CHRM5: variants seen among roughly 807,000 people sequenced by gnomAD.
CHRM5 encodes muscarinic acetylcholine receptor M5.
In CHRM5, 18 loss-of-function variants were observed where a neutral mutation model predicts 39.0. That is an observed-to-expected ratio of 0.46 (90% CI 0.32 to 0.68). CHRM5 has a LOEUF of 0.68. Among genes scored for constraint, CHRM5 ranks in the 30% least tolerant of loss-of-function variants. The pLI is 0.04. For missense variants in CHRM5, 515 were observed against 651.1 expected (o/e 0.79, Z 2.28); for synonymous variants, 241 against 246.3 (o/e 0.98, Z 0.20).
chr15:34,041,560 G>A (rs1899477827), intron 1 of CHRM5, among the ~76,000 whole-genome samples: 1 of 152,152 alleles, frequency 6.6e-6, no homozygotes. Context: ...AGTGTTATTA[G>A]GGCACATTCA....
intron 2 of CHRM5, among the ~76,000 whole-genome samples, chr15:34,047,303 T>C (rs996884852): frequency 2.6e-5 from 4 of 152,136 alleles, no homozygotes; most frequent in African/African-American, 9.7e-5. Context: ...GGTCTGGATC[T>C]CCTGACCTGA....
At chr15:33,999,664 T>C (rs1174745418) in intron 1 of CHRM5, among the ~76,000 whole-genome samples, 1 of 152,150 alleles carries the variant, frequency 6.6e-6, no homozygotes. Context: ...CAACCACTTT[T>C]CACCACCTCC....
chr15:33,983,164 G>GTGTA lies in CHRM5; in HGVS notation c.-408+14017_-408+14018insATGT, dbSNP rs1555512757. 3.9e-3 allele frequency among the ~76,000 whole-genome samples: 440 copies of GTGTA among 111,572 alleles called. 1 individual carries two copies. Among genetic ancestry groups the GTGTA allele is most frequent in the African/African-American group, 0.02 (401 of 20,010 alleles). 73.2% of individuals were successfully genotyped at this position (111,572 alleles called of 152,430 possible). A position where few individuals can be genotyped will look rare whatever the true frequency, so the allele number is the denominator to read the frequency against. On this transcript the variant is annotated intron_variant, in intron 1 of 2. Coordinates refer to ENST00000383263, the MANE Select transcript of CHRM5 (RefSeq NM_012125.4). ...TGTGTGTGTGTGTGTGTGTGTATGT[G>GTGTA]TGTGTGTATATATACACACGTGTGT...
intron 1 of CHRM5, among the ~76,000 whole-genome samples, chr15:33,987,105 G>T (rs1279423970): frequency 6.6e-6 from 1 of 152,136 alleles, no homozygotes; most frequent in Non-Finnish European, 1.5e-5. Context: ...TAATTCATTA[G>T]CATTAATTCC....
At chr15:34,035,715 G>A (rs1337027216) in intron 1 of CHRM5, among the ~76,000 whole-genome samples, 2 of 152,178 alleles carry the variant, frequency 1.3e-5, no homozygotes, top group Non-Finnish European at 2.9e-5. Flanking sequence ...CTTCCTCTCT[G>A]CTAACAGCCC....
intron 1 of CHRM5, among the ~76,000 whole-genome samples, chr15:33,976,609 T>G (rs978096575): frequency 2.6e-5 from 4 of 152,184 alleles, no homozygotes; most frequent in Non-Finnish European, 5.9e-5. Flanking sequence ...ATATCTTTAT[T>G]TAGGCTTTTT....
intron 1 of CHRM5, among the ~76,000 whole-genome samples, chr15:34,017,217 T>G (rs1198873088): frequency 6.6e-6 from 1 of 152,074 alleles, no homozygotes; most frequent in South Asian, 2.1e-4. Context: ...TCTGTTCACC[T>G]ATTAACAATT....
intron 1 of CHRM5, among the ~76,000 whole-genome samples, chr15:33,974,214 T>C (rs1420247083): frequency 1.3e-5 from 2 of 152,170 alleles, no homozygotes; most frequent in African/African-American, 4.8e-5. Context: ...TCAGGGGAAT[T>C]TGAATAAGTA....
At chr15:34,029,016 T>A (rs1241698203) in intron 1 of CHRM5, among the ~76,000 whole-genome samples, 1 of 152,154 alleles carries the variant, frequency 6.6e-6, no homozygotes, top group Non-Finnish European at 1.5e-5. Context: ...GAAATAACAA[T>A]TACTATTTGT....
At chr15:34,008,969 C>CAT (rs1392595827) in intron 1 of CHRM5, among the ~76,000 whole-genome samples, 5 of 151,456 alleles carry the variant, frequency 3.3e-5, no homozygotes, top group African/African-American at 1.2e-4. Flanking sequence ...CACACACACA[C>CAT]ACACACAGAC....
intron 1 of CHRM5, among the ~76,000 whole-genome samples, chr15:34,032,014 C>T (rs986243718): frequency 2.7e-5 from 3 of 110,996 alleles, no homozygotes; most frequent in Non-Finnish European, 4.3e-5. Flanking sequence ...CACACATACG[C>T]GCGCACACGC....
At position 34,063,896 on chromosome 15, in the gene CHRM5, C is replaced by T. The variant is rs1470190113; in HGVS notation, c.1179C>T (p.Thr393=). The change falls in exon 3 of 3, where the codon ACC becomes ACT. Residue 393 remains threonine (T), a synonymous_variant. Coordinates refer to ENST00000383263, the MANE Select transcript of CHRM5 (RefSeq NM_012125.4). This position sits in a 1 kb window ranked among gnomAD's most constrained non-coding sequence, Gnocchi z 4.1. ...TAAAAGCTGACGGGAACCAGGAGACCAACAATGGCTGTCACAAGGTGAAAA... is the reference window on the plus strand; with the variant it reads ...TAAAAGCTGACGGGAACCAGGAGACTAACAATGGCTGTCACAAGGTGAAAA... ...LVVKADGNQE[T]NNGCHKVKIM... is the part of the protein sequence containing the mutation. 8 of 1,614,038 alleles carry T rather than the reference C, an allele frequency of 5.0e-6. No individual in the cohort carries two copies. Among genetic ancestry groups the T allele is most frequent in the Non-Finnish European group, 5.9e-6 (7 of 1,180,036 alleles).
intron 1 of CHRM5, among the ~76,000 whole-genome samples, chr15:34,002,099 CATAAT>C (rs1051051281): frequency 5.3e-5 from 8 of 152,096 alleles, no homozygotes; most frequent in East Asian, 1.9e-4. Flanking sequence ...TTTGCAAAAC[CATAAT>C]ATAATATCAC....
At chr15:33,998,915 A>G (rs2140607016) in intron 1 of CHRM5, among the ~76,000 whole-genome samples, 1 of 152,304 alleles carries the variant, frequency 6.6e-6, no homozygotes, top group African/African-American at 2.4e-5. Context: ...ACGACTTTAA[A>G]TATCATCTAT....
At chr15:34,062,242 G>A (rs1263969745) in intron 2 of CHRM5, among the ~76,000 whole-genome samples, 1 of 152,182 alleles carries the variant, frequency 6.6e-6, no homozygotes, top group Non-Finnish European at 1.5e-5. Context: ...GTGCAGCCAC[G>A]TTTAATATTC....
chr15:34,024,193 C>T (rs566939844), intron 1 of CHRM5, among the ~76,000 whole-genome samples: 2 of 152,158 alleles, frequency 1.3e-5, no homozygotes, highest in African/African-American at 2.4e-5. Flanking sequence ...CAATTCCATG[C>T]ACCCATGAAG....
chr15:34,016,889 G>A (rs1897937702), intron 1 of CHRM5, among the ~76,000 whole-genome samples: 1 of 152,150 alleles, frequency 6.6e-6, no homozygotes, highest in Non-Finnish European at 1.5e-5. Flanking sequence ...AGCACTTTGG[G>A]AGGCCAAGGT....
At chr15:34,007,217 G>T in intron 1 of CHRM5, 1 of 250,800 alleles carries the variant, frequency 4.0e-6, no homozygotes, top group Non-Finnish European at 6.3e-6. Context: ...AGAAAGAGTA[G>T]CTTAATGTTT....
chr15:34,034,130 CA>C (rs1898997887), intron 1 of CHRM5, among the ~76,000 whole-genome samples: 1 of 152,134 alleles, frequency 6.6e-6, no homozygotes, highest in South Asian at 2.1e-4. Flanking sequence ...AGGCAAATAT[CA>C]AATCACTCTA....
Sources: gnomAD v4.1 joint callset for allele counts (sites outside exome capture counted in the v4.1 genomes callset) on GRCh38, gnomAD v4.1.1 for gene constraint, Gnocchi (gnomAD v3.1) non-coding constraint, MANE v1.5 for transcripts, NCBI Gene and HGNC (gene_info 2026-07-23, HGNC 2026-07-21) for gene names.